The following CNBD1 variants were observed in gnomAD, a reference collection of about 807,000 sequenced individuals.
CNBD1 encodes cyclic nucleotide-binding domain-containing protein 1.
In CNBD1, 71 loss-of-function variants were observed where a neutral mutation model predicts 54.4. The observed-to-expected ratio is 1.30, with a 90% confidence interval of 1.08 to 1.59. CNBD1 has a LOEUF of 1.59. CNBD1 is among the 40% of genes most tolerant of loss of function. The pLI is 0.00. For missense variants in CNBD1, 659 were observed against 518.0 expected (o/e 1.27, Z -2.64); for synonymous variants, 182 against 170.7 (o/e 1.07, Z -0.51).
chr8:87,316,674 T>C (rs1333094806), intron 8 of CNBD1, among the ~76,000 whole-genome samples: 1 of 151,906 alleles, frequency 6.6e-6, no homozygotes, highest in Non-Finnish European at 1.5e-5. Context: ...TTAAATAACT[T>C]ATGAAACATT....
chr8:87,168,634 A>T (rs1813018469), intron 4 of CNBD1, among the ~76,000 whole-genome samples: 1 of 151,726 alleles, frequency 6.6e-6, no homozygotes, highest in Non-Finnish European at 1.5e-5. Context: ...TATCTCCATG[A>T]GTTCAATTGT....
chr8:87,346,435 T>A (rs1273613369), intron 8 of CNBD1, among the ~76,000 whole-genome samples: 1 of 151,984 alleles, frequency 6.6e-6, no homozygotes, highest in Admixed American at 6.6e-5. Flanking sequence ...ATATTTTTTC[T>A]AAAATTTCTA....
At chr8:87,222,307 C>T (rs1176427945) in intron 5 of CNBD1, among the ~76,000 whole-genome samples, 3 of 151,998 alleles carry the variant, frequency 2.0e-5, no homozygotes, top group Non-Finnish European at 2.9e-5. Flanking sequence ...ATTTATTCGA[C>T]GAGTGTTTTT....
In CNBD1 at chr8:87,255,759, G is replaced by A. The variant is rs1461422642; in HGVS notation, c.771+18647G>A. Among the ~76,000 whole-genome samples, 3 of 151,152 alleles carry A rather than the reference G, an allele frequency of 2.0e-5. 1 individual carries two copies. In the Admixed American group the frequency reaches 2.0e-4, roughly 10 times the overall value. ...CCAGTTACCATCTGTGTGGCCTTAA[G>A]AATGTGCCTTAGCCTTCTGGGTCTC... On this transcript the variant is annotated intron_variant, in intron 6 of 10. Coordinates refer to ENST00000518476, the MANE Select transcript of CNBD1 (RefSeq NM_173538.3).
chr8:87,170,922 T>G (rs1813071596), intron 4 of CNBD1, among the ~76,000 whole-genome samples: 1 of 152,196 alleles, frequency 6.6e-6, no homozygotes, highest in Admixed American at 6.6e-5. Context: ...TGCTAGTATT[T>G]ACTTGAGGAT....
At position 87,341,099 on chromosome 8, in the gene CNBD1, G is replaced by T. The variant is rs147151395; in HGVS notation, c.1043-10586G>T. On this transcript the variant is annotated intron_variant, in intron 8 of 10. Coordinates refer to ENST00000518476, the MANE Select transcript of CNBD1 (RefSeq NM_173538.3). Reference sequence around the variant, plus strand: ...TTGGGCTTCTCAAGCCTTTTCTTTAGATGTATCTTCTTGGACTTGTGCTTG... The same window carrying T: ...TTGGGCTTCTCAAGCCTTTTCTTTATATGTATCTTCTTGGACTTGTGCTTG... Among the ~76,000 whole-genome samples the T allele has an allele frequency of 4.6e-5, 7 of 152,220 alleles. No homozygotes were observed. The East Asian group carries it at 1.4e-3, about 29-fold the overall frequency.
At chr8:87,266,642 G>A (rs535274208) in intron 6 of CNBD1, among the ~76,000 whole-genome samples, 1 of 151,492 alleles carries the variant, frequency 6.6e-6, no homozygotes, top group South Asian at 2.1e-4. Flanking sequence ...TAGAGAAGGG[G>A]TTTCTCTCCA....
At chr8:87,169,732 C>CT (rs1813046677) in intron 4 of CNBD1, among the ~76,000 whole-genome samples, 1 of 151,808 alleles carries the variant, frequency 6.6e-6, no homozygotes, top group African/African-American at 2.4e-5. Flanking sequence ...GTGTGGATTT[C>CT]TTTTTGGGTT....
At chr8:87,252,996 G>C (rs1807940645) in intron 6 of CNBD1, among the ~76,000 whole-genome samples, 1 of 152,122 alleles carries the variant, frequency 6.6e-6, no homozygotes. Context: ...TAAATGCCTG[G>C]TATGTGAAAA....
At chr8:86,965,906 G>T (rs1019686008) in intron 4 of CNBD1, among the ~76,000 whole-genome samples, 9 of 152,118 alleles carry the variant, frequency 5.9e-5, no homozygotes, top group African/African-American at 2.2e-4. Context: ...GCTTCTCTCT[G>T]CTTGTGGTCA....
chr8:87,227,553 A>G (rs1814532818), intron 5 of CNBD1, among the ~76,000 whole-genome samples: 1 of 123,032 alleles, frequency 8.1e-6, no homozygotes, highest in Non-Finnish European at 1.7e-5. Flanking sequence ...TTCTTTAAGA[A>G]TGTTGAATAT....
At chr8:86,993,411 C>G (rs1808797266) in intron 4 of CNBD1, among the ~76,000 whole-genome samples, 1 of 152,106 alleles carries the variant, frequency 6.6e-6, no homozygotes, top group African/African-American at 2.4e-5. Context: ...TCTTGAATCT[C>G]AATGGGCTTC....
At chr8:87,388,369 A>AG (rs1811236150) in intron 2 of CNBD1, among the ~76,000 whole-genome samples, 1 of 98,382 alleles carries the variant, frequency 1.0e-5, no homozygotes, top group Non-Finnish European at 2.0e-5. Context: ...AGACTAATGA[A>AG]GAAAAAAGAG....
At chr8:86,954,983 C>G (rs934673491) in intron 4 of CNBD1, among the ~76,000 whole-genome samples, 2 of 130,450 alleles carry the variant, frequency 1.5e-5, no homozygotes, top group East Asian at 2.8e-4. Context: ...TCCCTCCCCC[C>G]TCCCCCCACT....
At chr8:86,979,945 C>G (rs1256541692) in intron 4 of CNBD1, among the ~76,000 whole-genome samples, 4 of 152,154 alleles carry the variant, frequency 2.6e-5, no homozygotes, top group African/African-American at 9.7e-5. Context: ...AATTACTTTA[C>G]TTATAATAAA....
intron 6 of CNBD1, among the ~76,000 whole-genome samples, chr8:87,237,642 A>C (rs1302160040): frequency 6.6e-6 from 1 of 152,146 alleles, no homozygotes. Context: ...TATCTTTCCG[A>C]ATCTCTGGAT....
chr8:86,920,678 T>G (rs541183913), intron 3 of CNBD1, among the ~76,000 whole-genome samples: 4 of 152,234 alleles, frequency 2.6e-5, no homozygotes, highest in African/African-American at 9.6e-5. Context: ...TCACCCAAAT[T>G]GCCAGTCATA....
At chr8:87,384,772 G>A (rs1471436249), downstream of CNBD1, among the ~76,000 whole-genome samples, 2 of 152,076 alleles carry the variant, frequency 1.3e-5, no homozygotes, top group Non-Finnish European at 2.9e-5. Context: ...GAAGTGAAAG[G>A]TCAATAAGAT....
Position 87,197,579 on chromosome 8 carries a change from G to A in CNBD1, c.432-8414G>A, listed in dbSNP as rs184419144. 7.9e-5 allele frequency among the ~76,000 whole-genome samples: 12 copies of A among 152,208 alleles called. No individual in the cohort carries two copies. In the East Asian group the frequency reaches 2.1e-3, roughly 27 times the overall value. ...TTTCTAGCACTTCTGTTTCTCCATGGCCCAAATCAGGCATTCTAAATACGT... is the reference window on the plus strand; with the variant it reads ...TTTCTAGCACTTCTGTTTCTCCATGACCCAAATCAGGCATTCTAAATACGT... On this transcript the variant is annotated intron_variant, in intron 4 of 10. Coordinates refer to ENST00000518476, the MANE Select transcript of CNBD1 (RefSeq NM_173538.3).
Sources: allele counts gnomAD v4.1 joint callset (sites outside exome capture counted in the v4.1 genomes callset), GRCh38; gene constraint gnomAD v4.1.1; transcripts MANE v1.5; gene names NCBI Gene and HGNC (gene_info 2026-07-23, HGNC 2026-07-21).